Variants in MYO16 observed in about 807,000 individuals in gnomAD.
MYO16 encodes myosin XVI.
MYO16 carries 94 observed loss-of-function variants against 205.3 expected under a neutral mutation model. The observed-to-expected ratio is 0.46, with a 90% CI of 0.39 to 0.54. MYO16 has a LOEUF of 0.54. MYO16 is among the 20% of genes least tolerant of loss of function. The probability of loss-of-function intolerance (pLI) is 0.00; values close to 1 mark genes in which losing one functional copy is unlikely to be tolerated. For synonymous variants in MYO16, 988 were observed against 954.0 expected, an observed-to-expected ratio of 1.04 and a Z score of -0.66; for missense variants, 2,315 against 2,387.5, an observed-to-expected ratio of 0.97 and a Z score of 0.63.
chr13:108,657,741 G>T (rs1298836770), intron 1 of MYO16, among the ~76,000 whole-genome samples: 1 of 152,064 alleles, frequency 6.6e-6, no homozygotes, highest in Non-Finnish European at 1.5e-5. Context: ...GGGTGTGTTG[G>T]TTTCTCTATG....
chr13:109,062,765 C>A (rs1887632611), intron 27 of MYO16, among the ~76,000 whole-genome samples: 1 of 152,042 alleles, frequency 6.6e-6, no homozygotes, highest in Non-Finnish European at 1.5e-5. Flanking sequence ...AGAAGCTCAT[C>A]AAGTCTTTGA....
At chr13:109,204,398 T>C (rs1037775459) in intron 34 of MYO16, among the ~76,000 whole-genome samples, 4 of 152,178 alleles carry the variant, frequency 2.6e-5, no homozygotes, top group Non-Finnish European at 5.9e-5. Context: ...TAAATATGAA[T>C]GTTCCATGTC....
chr13:108,935,277 G>A (rs1414286370), intron 16 of MYO16, among the ~76,000 whole-genome samples: 1 of 152,110 alleles, frequency 6.6e-6, no homozygotes, highest in Non-Finnish European at 1.5e-5. Flanking sequence ...CCATTTGTTT[G>A]TGTCATCTGT....
Position 108,793,561 on chromosome 13 carries a change from T to G in MYO16, c.662T>G (p.Met221Arg). ...SLRQMKLQRP[M>R]SMLTDVKHFL... ...CGCCAGATGAAGCTTCAGAGACCAA[T>G]GAGTATGTTAACAGATGTCAAACAC... Residue 221 changes from methionine (M) to arginine (R), a missense_variant, in exon 6 of 35, where the codon ATG becomes AGG. Transcript: ENST00000457511. The G allele has an allele frequency of 6.2e-7, 1 of 1,613,786 alleles. No homozygotes were observed. The highest frequency in any genetic ancestry group is 8.5e-7 in the Non-Finnish European group (1 of 1,179,756).
At chr13:108,795,674 C>T (rs189307011) in intron 6 of MYO16, among the ~76,000 whole-genome samples, 1 of 152,116 alleles carries the variant, frequency 6.6e-6, no homozygotes, top group Non-Finnish European at 1.5e-5. Flanking sequence ...ATGGCAAAAG[C>T]ATTCTAAATT....
intron 13 of MYO16, 51 bp from the exon 14 acceptor site, chr13:108,888,320 CT>C: frequency 1.8e-5 from 23 of 1,306,374 alleles, no homozygotes; most frequent in Non-Finnish European, 2.5e-5. Flanking sequence ...AAGGAACAAG[CT>C]TTGAAGCAAA....
rs5806773 is a variant in MYO16, at chr13:108,990,516, GA to G, written c.2370-1851del. Reference sequence around the variant, plus strand: ...TTGAGGTTTCCCAAAACTGAAATCAGAAAAAAAAATTGCATTTGTTTTCTTA... The same window carrying G: ...TTGAGGTTTCCCAAAACTGAAATCAGAAAAAAAATTGCATTTGTTTTCTTA... On this transcript the variant is annotated intron_variant, in intron 20 of 34. Transcript: ENST00000457511. Among the ~76,000 whole-genome samples the G allele has an allele frequency of 5.3e-5, 8 of 151,288 alleles. No individual in the cohort carries two copies. In the East Asian group the frequency reaches 5.8e-4, roughly 11 times the overall value.
intron 33 of MYO16, among the ~76,000 whole-genome samples, chr13:109,169,017 T>C (rs1208069366): frequency 6.6e-6 from 1 of 152,102 alleles, no homozygotes; most frequent in Non-Finnish European, 1.5e-5. Context: ...TTCCATCCCA[T>C]CCTCCCACCT....
At chr13:109,102,875 A>G (rs1889014974) in intron 28 of MYO16, among the ~76,000 whole-genome samples, 2 of 152,054 alleles carry the variant, frequency 1.3e-5, no homozygotes, top group South Asian at 4.1e-4. Flanking sequence ...GCACTAATCT[A>G]TTTTCTCCAC....
Position 109,141,350 on chromosome 13 carries a change from C to T in MYO16, c.5138C>T (p.Ala1713Val), listed in dbSNP as rs780965692. ...AGGAGTGTGCTTCGGAAATCCGCGGCGGGAAGAAAAATCAGGGAAGCAGAA... is the reference window on the plus strand; with the variant it reads ...AGGAGTGTGCTTCGGAAATCCGCGGTGGGAAGAAAAATCAGGGAAGCAGAA... The part of the protein sequence containing the change: ...SGRSVLRKSA[A>V]GRKIREAEGF... Residue 1713 changes from alanine (A) to valine (V), a missense_variant, in exon 32 of 35, where the codon GCG (alanine) becomes GTG (valine). By Grantham distance (64) the Ala-to-Val change is moderately conservative (BLOSUM62 0). This residue lies in a region of MYO16 where 1,097 missense variants were observed against 1,092.0 expected (regional missense o/e 1.00). Coordinates refer to ENST00000457511, the MANE Select transcript of MYO16 (RefSeq NM_001198950.3). This position sits in a 1 kb window ranked among gnomAD's most constrained non-coding sequence, Gnocchi z 4.1. 4.5e-6 allele frequency: 7 copies of T among 1,544,276 alleles called. No individual in the cohort carries two copies. The highest frequency in any genetic ancestry group is 6.1e-6 in the Non-Finnish European group (7 of 1,149,572).
At chr13:109,024,140 CTTTGAA>C (rs1465688421) in intron 23 of MYO16, among the ~76,000 whole-genome samples, 3 of 149,548 alleles carry the variant, frequency 2.0e-5, no homozygotes, top group East Asian at 2.0e-4. Context: ...AATTCATGTT[CTTTGAA>C]TTTGAGAGAT....
At chr13:109,048,407 A>G in intron 24 of MYO16, 1 of 700,016 alleles carries the variant, frequency 1.4e-6, no homozygotes, top group South Asian at 1.7e-5. Context: ...AGGAGGTGTC[A>G]GATTTTTTTT....
At chr13:109,079,381 G>A (rs1381490133) in intron 27 of MYO16, among the ~76,000 whole-genome samples, 1 of 93,598 alleles carries the variant, frequency 1.1e-5, no homozygotes, top group Non-Finnish European at 2.3e-5. Context: ...GTTACCTACT[G>A]TATGGGTTTT....
chr13:109,144,457 G>A (rs896865834), intron 32 of MYO16, among the ~76,000 whole-genome samples: 1 of 152,182 alleles, frequency 6.6e-6, no homozygotes, highest in Non-Finnish European at 1.5e-5. Flanking sequence ...ATTCAGTGCT[G>A]GTGCTCAGCA....
intron 4 of MYO16, among the ~76,000 whole-genome samples, chr13:108,757,426 C>T (rs1885454752): frequency 1.3e-5 from 2 of 152,178 alleles, no homozygotes; most frequent in South Asian, 4.2e-4. Context: ...TACCTTTCAT[C>T]CAAAGACTTA....
chr13:108,897,420 G>T (rs761245733), intron 14 of MYO16, among the ~76,000 whole-genome samples: 1 of 152,198 alleles, frequency 6.6e-6, no homozygotes, highest in Non-Finnish European at 1.5e-5. Flanking sequence ...ACAGGGCAGC[G>T]AGAGAAGGCG....
intron 28 of MYO16, among the ~76,000 whole-genome samples, chr13:109,115,268 A>C (rs1334562960): frequency 6.8e-6 from 1 of 147,192 alleles, no homozygotes; most frequent in East Asian, 2.0e-4. Flanking sequence ...AAAAAAAAAA[A>C]AACACCTAAA....
chr13:109,078,319 G>T (rs1160862933), intron 27 of MYO16, among the ~76,000 whole-genome samples: 1 of 151,608 alleles, frequency 6.6e-6, no homozygotes, highest in East Asian at 1.9e-4. Flanking sequence ...CACACCTGTA[G>T]TACCAGCTAT....
chr13:108,826,991 G>A (rs1037008308), intron 9 of MYO16, among the ~76,000 whole-genome samples: 3 of 152,146 alleles, frequency 2.0e-5, no homozygotes, highest in African/African-American at 7.2e-5. Context: ...TCAAACAGTT[G>A]AACGTAGGTT....
Sources: allele counts gnomAD v4.1 joint callset (sites outside exome capture counted in the v4.1 genomes callset), GRCh38; gene constraint gnomAD v4.1.1; regional missense constraint gnomAD v4.1.1; non-coding constraint Gnocchi (gnomAD v3.1); transcripts MANE v1.5; gene names NCBI Gene and HGNC (gene_info 2026-07-23, HGNC 2026-07-21).